Variants in SCNN1B observed in about 807,000 individuals in gnomAD.
The protein encoded by SCNN1B is sodium channel epithelial 1 subunit beta.
Under a neutral mutation model 65.3 loss-of-function variants are expected in SCNN1B, and 46 were observed. That is an observed-to-expected ratio of 0.70 (90% confidence interval 0.56 to 0.90). SCNN1B has a LOEUF of 0.90. SCNN1B is among the 40% of genes least tolerant of loss of function. SCNN1B has a pLI of 0.00. For synonymous variants in SCNN1B, 349 were observed against 330.6 expected (o/e 1.06, Z -0.60); for missense variants, 751 against 830.5 (o/e 0.90, Z 1.18).
intron 2 of SCNN1B, among the ~76,000 whole-genome samples, chr16:23,297,144 T>TA (rs1961010871): frequency 6.6e-6 from 1 of 152,180 alleles, no homozygotes; most frequent in Admixed American, 6.5e-5. Flanking sequence ...AGATTGTCCT[T>TA]AACCCTCTGT....
chr16:23,370,177 C>T (rs1962753949), intron 5 of SCNN1B, among the ~76,000 whole-genome samples: 1 of 152,206 alleles, frequency 6.6e-6, no homozygotes, highest in African/African-American at 2.4e-5. Context: ...GCAATCTCGG[C>T]TCACTACAAC....
intron 1 of SCNN1B, among the ~76,000 whole-genome samples, chr16:23,346,334 T>A (rs1052835475): frequency 7.0e-4 from 105 of 149,128 alleles, no homozygotes; most frequent in Non-Finnish European, 1.9e-4. Flanking sequence ...CTAAAGCAGT[T>A]CTCCTGCCTC....
At chr16:23,362,459 G>T (rs1483142631) in intron 4 of SCNN1B, among the ~76,000 whole-genome samples, 1 of 152,176 alleles carries the variant, frequency 6.6e-6, no homozygotes, top group Non-Finnish European at 1.5e-5. Flanking sequence ...GCCCTGGAAA[G>T]TCTTTCCTGA....
intron 3 of SCNN1B, among the ~76,000 whole-genome samples, chr16:23,353,500 A>G (rs1166063023): frequency 6.6e-6 from 1 of 152,028 alleles, no homozygotes; most frequent in Non-Finnish European, 1.5e-5. Flanking sequence ...GTCCCAGAAA[A>G]AGAGCTCTTT....
chr16:23,355,254 A>G (rs1229647181), intron 3 of SCNN1B, 45 bp from the exon 4 acceptor site: 1 of 1,596,228 alleles, frequency 6.3e-7, no homozygotes, highest in African/African-American at 1.3e-5. Context: ...GGGTCCTGCT[A>G]GCAGCTCCCA....
intron 7 of SCNN1B, among the ~76,000 whole-genome samples, chr16:23,374,268 G>GAAAAATAA: frequency 1.7e-5 from 1 of 60,456 alleles, no homozygotes; most frequent in Admixed American, 2.9e-4. Context: ...CCTGTCTCAG[G>GAAAAATAA]AAAAAAAAAA....
In SCNN1B at chr16:23,346,797, G is replaced by T. The variant is rs112790554; in HGVS notation, c.-8-1795G>T. Among the ~76,000 whole-genome samples, 7 of 150,836 alleles carry T rather than the reference G, an allele frequency of 4.6e-5. 1 individual carries two copies. The highest frequency in any genetic ancestry group is 1.7e-4 in the African/African-American group (7 of 41,028). On this transcript the variant is annotated intron_variant, in intron 1 of 12. Transcript: ENST00000343070. ...CACTTCTCCAAGGACTCTCAGACCT[G>T]GCCAGGCCTCCGTTTTCTAATAAAA...
At chr16:23,378,092 T>C (rs1962952059) in intron 10 of SCNN1B, among the ~76,000 whole-genome samples, 1 of 152,172 alleles carries the variant, frequency 6.6e-6, no homozygotes, top group Non-Finnish European at 1.5e-5. Context: ...CACTGAAGCC[T>C]CGAACTCCTG....
chr16:23,312,716 C>T (rs753539659), intron 1 of SCNN1B, among the ~76,000 whole-genome samples: 20 of 152,162 alleles, frequency 1.3e-4, no homozygotes, highest in Non-Finnish European at 1.8e-4. Flanking sequence ...GAGTGGATGA[C>T]AATCTGGTTG....
At chr16:23,306,768 AG>A (rs984144063) in intron 1 of SCNN1B, among the ~76,000 whole-genome samples, 2 of 152,232 alleles carry the variant, frequency 1.3e-5, no homozygotes, top group African/African-American at 4.8e-5. Context: ...GCATGACCAA[AG>A]GAAGTATGTT....
At chr16:23,377,133 A>T in intron 8 of SCNN1B, 32 bp from the exon 9 acceptor site, 1 of 1,606,472 alleles carries the variant, frequency 6.2e-7, no homozygotes, top group Non-Finnish European at 8.5e-7. Context: ...GCCCCCTTAA[A>T]CCTCTTGGCC....
chr16:23,369,298 G>A (rs1339938922), intron 5 of SCNN1B, among the ~76,000 whole-genome samples: 1 of 152,050 alleles, frequency 6.6e-6, no homozygotes. Context: ...TGCCCAGGTT[G>A]GTCTTGACCT....
At chr16:23,328,603 A>G (rs1363204858) in intron 1 of SCNN1B, among the ~76,000 whole-genome samples, 1 of 152,206 alleles carries the variant, frequency 6.6e-6, no homozygotes, top group African/African-American at 2.4e-5. Flanking sequence ...GCTGGACTCA[A>G]GAACCCAGGA....
At chr16:23,301,277 G>T (rs1189494115), upstream of SCNN1B, among the ~76,000 whole-genome samples, 1 of 151,248 alleles carries the variant, frequency 6.6e-6, no homozygotes, top group South Asian at 2.1e-4. Context: ...CAGGAGAATT[G>T]CTTGATTCCG....
Position 23,292,880 on chromosome 16 carries a change from C to G in SCNN1B, n.178+9076C>G, listed in dbSNP as rs1464703436. Among the ~76,000 whole-genome samples the G allele has an allele frequency of 4.0e-5, 6 of 149,592 alleles. No individual in the cohort carries two copies. The East Asian group carries it at 1.2e-3, about 31-fold the overall frequency. On this transcript the variant is annotated intron_variant and non_coding_transcript_variant, in intron 2 of 3. Transcript: ENST00000569789. ...CTGTAATCCTAGCACTTTGGGAGCC[C>G]GAGGTGGGTGGATCACTTGAGGTCA...
upstream of SCNN1B, among the ~76,000 whole-genome samples, chr16:23,301,444 G>GAAAGAAAGAA (rs540691031): frequency 2.7e-3 from 405 of 149,602 alleles, 1 homozygote; most frequent in African/African-American, 1.0e-2. Flanking sequence ...AAAGGAAAGA[G>GAAAGAAAGAA]AAAGAAAGAA....
intron 1 of SCNN1B, among the ~76,000 whole-genome samples, chr16:23,330,432 G>A (rs1488796267): frequency 1.3e-5 from 2 of 152,188 alleles, no homozygotes; most frequent in Admixed American, 6.5e-5. Flanking sequence ...GGAAGGAACA[G>A]GAAAGAGGCC....
At chr16:23,360,229 C>CAAATAAATAAACAAAT (rs1962517643) in intron 4 of SCNN1B, among the ~76,000 whole-genome samples, 1 of 115,968 alleles carries the variant, frequency 8.6e-6, no homozygotes, top group African/African-American at 3.4e-5. Flanking sequence ...AATAAATAAA[C>CAAATAAATAAACAAAT]AAATAAATAA....
At chr16:23,316,379 CTCACCATCA>C (rs1296980787) in intron 1 of SCNN1B, among the ~76,000 whole-genome samples, 1 of 132,762 alleles carries the variant, frequency 7.5e-6, no homozygotes, top group Non-Finnish European at 1.6e-5. Context: ...CATCACCATC[CTCACCATCA>C]TCACCATCAT....
Sources: allele counts gnomAD v4.1 joint callset (sites outside exome capture counted in the v4.1 genomes callset), GRCh38; gene constraint gnomAD v4.1.1; transcripts MANE v1.5; gene names NCBI Gene and HGNC (gene_info 2026-07-23, HGNC 2026-07-21).